The following STPG2 variants were observed in gnomAD, a reference collection of about 807,000 sequenced individuals.
STPG2 encodes sperm tail PG-rich repeat containing 2.
STPG2 carries 56 observed loss-of-function variants against 54.2 expected under a neutral mutation model. The ratio of observed to expected loss-of-function variants is 1.03; its 90% CI spans 0.83 to 1.29. The LOEUF (loss-of-function observed/expected upper bound fraction) is 1.29, where lower values mean the gene tolerates loss of function less well. Ranked by LOEUF, STPG2 falls within the 50% of genes most tolerant of loss-of-function variation. STPG2 has a pLI of 0.00. For synonymous variants in STPG2, 200 were observed against 181.8 expected (o/e 1.10, Z -0.81); for missense variants, 596 against 544.9 (o/e 1.09, Z -0.93).
At chr4:97,493,877 T>C (rs772700550) in intron 4 of STPG2, among the ~76,000 whole-genome samples, 1 of 151,598 alleles carries the variant, frequency 6.6e-6, no homozygotes, top group Admixed American at 6.6e-5. Flanking sequence ...TTTGCAAAGA[T>C]GGAATCCATA....
intron 10 of STPG2, among the ~76,000 whole-genome samples, chr4:97,710,531 T>C (rs949901192): frequency 6.6e-6 from 1 of 152,102 alleles, no homozygotes; most frequent in African/African-American, 2.4e-5. Flanking sequence ...TACAGCTAAG[T>C]AATTTTCAAG....
intron 4 of STPG2, among the ~76,000 whole-genome samples, chr4:97,487,779 T>A (rs1300031883): frequency 1.3e-5 from 2 of 151,430 alleles, no homozygotes; most frequent in African/African-American, 2.4e-5. Context: ...CACTATTCCA[T>A]TAATGGTACA....
intron 10 of STPG2, among the ~76,000 whole-genome samples, chr4:97,563,854 T>G (rs1233833350): frequency 2.0e-5 from 3 of 152,182 alleles, no homozygotes; most frequent in Non-Finnish European, 1.5e-5. Context: ...GAGCTTTACT[T>G]CTAATGATGT....
chr4:97,859,935 C>G (rs1729463762), intron 8 of STPG2, among the ~76,000 whole-genome samples: 1 of 152,210 alleles, frequency 6.6e-6, no homozygotes, highest in Admixed American at 6.5e-5. Flanking sequence ...TTTCACTCTT[C>G]TACATATGAC....
intron 5 of STPG2, among the ~76,000 whole-genome samples, chr4:97,989,461 T>A (rs1025006781): frequency 3.3e-5 from 5 of 152,148 alleles, no homozygotes; most frequent in African/African-American, 1.2e-4. Context: ...CATATATATC[T>A]ATGATAAAGT....
At chr4:97,837,513 A>AG (rs1439858957) in intron 9 of STPG2, among the ~76,000 whole-genome samples, 1 of 151,768 alleles carries the variant, frequency 6.6e-6, no homozygotes, top group East Asian at 1.9e-4. Flanking sequence ...CAATCACAAA[A>AG]TCAATTACAT....
At position 97,684,624 on chromosome 4, in the gene STPG2, T is replaced by C. The variant is rs3974915; in HGVS notation, c.1320+28075A>G. On this transcript the variant is annotated intron_variant, in intron 10 of 10. Coordinates refer to ENST00000295268, the MANE Select transcript of STPG2 (RefSeq NM_174952.3). ...ATGGATCGTAGACCTAAGTATAAAA[T>C]ACAAAACCATACAACGTTTAAATAA... is the stretch of plus-strand genomic sequence containing the variant. 3.5e-3 allele frequency among the ~76,000 whole-genome samples: 533 copies of C among 151,996 alleles called. 4 individuals carry two copies. Among genetic ancestry groups the C allele is most frequent in the African/African-American group, 0.013 (523 of 41,530 alleles).
intron 10 of STPG2, among the ~76,000 whole-genome samples, chr4:97,597,962 T>C (rs1358035079): frequency 6.6e-6 from 1 of 152,090 alleles, no homozygotes; most frequent in Non-Finnish European, 1.5e-5. Flanking sequence ...GCAGATGATA[T>C]GATTCTATAC....
At chr4:97,778,108 G>A (rs1008794519) in intron 9 of STPG2, among the ~76,000 whole-genome samples, 2 of 152,108 alleles carry the variant, frequency 1.3e-5, no homozygotes, top group Non-Finnish European at 2.9e-5. Flanking sequence ...GCCAAAGCAG[G>A]GTGAGGCATC....
In STPG2 at chr4:97,603,285, T is replaced by A. The variant is rs1215948332; in HGVS notation, c.1321-44168A>T. ...AGATACCACCTCACATTCAACAGGATGGCTACTATCAAAAAAATAGAAAAC... is the reference window on the plus strand; with the variant it reads ...AGATACCACCTCACATTCAACAGGAAGGCTACTATCAAAAAAATAGAAAAC... On this transcript the variant is annotated intron_variant, in intron 10 of 10. Transcript: ENST00000295268. Among the ~76,000 whole-genome samples, 9 of 151,798 alleles carry A rather than the reference T, an allele frequency of 5.9e-5. No homozygotes were observed. In the South Asian group the frequency reaches 1.7e-3, roughly 28 times the overall value.
intron 8 of STPG2, among the ~76,000 whole-genome samples, chr4:97,874,747 C>A (rs1730112977): frequency 6.6e-6 from 1 of 151,570 alleles, no homozygotes; most frequent in Admixed American, 6.6e-5. Context: ...ACATTAAAGC[C>A]CTAATCCCAA....
intron 5 of STPG2, among the ~76,000 whole-genome samples, chr4:98,003,285 A>G (rs1299142561): frequency 2.0e-5 from 3 of 152,082 alleles, no homozygotes; most frequent in Admixed American, 6.6e-5. Context: ...GACAACACTG[A>G]CTACATTTCT....
At chr4:97,887,447 C>T (rs573988945) in intron 8 of STPG2, among the ~76,000 whole-genome samples, 1 of 152,240 alleles carries the variant, frequency 6.6e-6, no homozygotes, top group East Asian at 1.9e-4. Context: ...TTCATTGTGC[C>T]TCTTCCCTAG....
At chr4:97,745,367 A>ATCTATAT (rs1304169259) in intron 9 of STPG2, among the ~76,000 whole-genome samples, 1 of 151,140 alleles carries the variant, frequency 6.6e-6, no homozygotes, top group East Asian at 1.9e-4. Flanking sequence ...TCCATTTTAA[A>ATCTATAT]TCAATCTATA....
chr4:97,965,119 A>C (rs1317898654), intron 7 of STPG2, among the ~76,000 whole-genome samples: 1 of 152,152 alleles, frequency 6.6e-6, no homozygotes, highest in Non-Finnish European at 1.5e-5. Flanking sequence ...TACCTGGAAA[A>C]TTGTTTCACT....
chr4:98,087,058 T>C (rs891079416), intron 5 of STPG2, among the ~76,000 whole-genome samples: 4 of 152,180 alleles, frequency 2.6e-5, no homozygotes, highest in African/African-American at 9.6e-5. Context: ...CTTAAATAAC[T>C]TTCAGAAATC....
chr4:97,869,779 T>C (rs1297762117), intron 8 of STPG2, among the ~76,000 whole-genome samples: 1 of 151,702 alleles, frequency 6.6e-6, no homozygotes, highest in Non-Finnish European at 1.5e-5. Context: ...ATTCAGTAAT[T>C]TCCTGAGAGT....
At chr4:97,870,841 G>T (rs937558748) in intron 8 of STPG2, among the ~76,000 whole-genome samples, 2 of 150,968 alleles carry the variant, frequency 1.3e-5, no homozygotes, top group African/African-American at 4.8e-5. Flanking sequence ...GAACTTTACA[G>T]CCTGATACTC....
chr4:97,980,038 T>C (rs1734621191), intron 6 of STPG2, among the ~76,000 whole-genome samples: 1 of 152,010 alleles, frequency 6.6e-6, no homozygotes, highest in Non-Finnish European at 1.5e-5. Context: ...TTTTTTAAAA[T>C]AGCCAGGCAT....
Sources: allele counts gnomAD v4.1 joint callset (sites outside exome capture counted in the v4.1 genomes callset), GRCh38; gene constraint gnomAD v4.1.1; transcripts MANE v1.5; gene names NCBI Gene and HGNC (gene_info 2026-07-23, HGNC 2026-07-21).